ADCY2: variants seen among roughly 807,000 people sequenced by gnomAD.
ADCY2 encodes the protein adenylate cyclase type 2.
In ADCY2, 31 loss-of-function variants were observed where a neutral mutation model predicts 125.2. The observed-to-expected ratio is 0.25, with a 90% confidence interval of 0.19 to 0.33. ADCY2 has a LOEUF of 0.33. Among genes scored for constraint, ADCY2 ranks in the 10% least tolerant of loss-of-function variants. The pLI is 1.00. For missense variants in ADCY2, 904 were observed against 1,418.2 expected, an observed-to-expected ratio of 0.64 and a Z score of 5.82; for synonymous variants, 512 against 548.4, an observed-to-expected ratio of 0.93 and a Z score of 0.93.
At chr5:7,401,178 G>A (rs1210146006) in intron 1 of ADCY2, among the ~76,000 whole-genome samples, 1 of 152,160 alleles carries the variant, frequency 6.6e-6, no homozygotes, top group African/African-American at 2.4e-5. Flanking sequence ...AACAATGCCT[G>A]GCATAAAGTA....
intron 14 of ADCY2, among the ~76,000 whole-genome samples, chr5:7,733,777 G>A (rs1021535656): frequency 2.0e-5 from 3 of 152,150 alleles, no homozygotes; most frequent in Admixed American, 1.3e-4. Context: ...GGAATACAGT[G>A]TGTCTGAAAA....
rs551518808 is a variant in ADCY2 at position 7,774,321 on chromosome 5, T to C, written c.2384+1220T>C. Among the ~76,000 whole-genome samples the C allele has an allele frequency of 6.2e-4, 94 of 152,246 alleles. 1 individual carries two copies. Among genetic ancestry groups the C allele is most frequent in the Non-Finnish European group, 9.3e-4 (63 of 68,050 alleles). On this transcript the variant is annotated intron_variant, in intron 18 of 24. Transcript: ENST00000338316. ...ATGCATAATTATATTTATGATTCCT[T>C]AGCCAAAATGAGAATGGAAGTTAAT...
At chr5:7,418,227 C>T (rs148279076) in intron 2 of ADCY2, among the ~76,000 whole-genome samples, 107 of 152,202 alleles carry the variant, frequency 7.0e-4, no homozygotes, top group African/African-American at 2.5e-3. Flanking sequence ...TAATATAACC[C>T]CAACCATTCT....
intron 2 of ADCY2, among the ~76,000 whole-genome samples, chr5:7,433,156 T>C (rs17227692): frequency 0.066 from 10,079 of 152,258 alleles, 436 homozygotes; most frequent in African/African-American, 0.11. Context: ...CTTCCTTCTT[T>C]CCATTCAGAT....
chr5:7,719,857 C>A (rs1741704707), intron 12 of ADCY2, among the ~76,000 whole-genome samples: 2 of 152,162 alleles, frequency 1.3e-5, no homozygotes, highest in Non-Finnish European at 2.9e-5. Context: ...CAGTTCATAA[C>A]AATAAGAAAG....
chr5:7,573,363 C>T (rs77454734), intron 3 of ADCY2, among the ~76,000 whole-genome samples: 2,594 of 151,962 alleles, frequency 0.017, 57 homozygotes, highest in African/African-American at 0.059. Context: ...GAAGTGTGAG[C>T]GAAGGATTGA....
At chr5:7,593,603 G>A (rs1415679262) in intron 3 of ADCY2, among the ~76,000 whole-genome samples, 1 of 152,128 alleles carries the variant, frequency 6.6e-6, no homozygotes, top group African/African-American at 2.4e-5. Flanking sequence ...CACTCAAAAA[G>A]AAGAGACTGG....
intron 23 of ADCY2, among the ~76,000 whole-genome samples, chr5:7,819,126 C>CG (rs1397047821): frequency 6.6e-6 from 1 of 152,110 alleles, no homozygotes; most frequent in Non-Finnish European, 1.5e-5. Flanking sequence ...CCACGTTCTT[C>CG]TGCCTGCTTT....
chr5:7,763,261 T>C (rs1179922418), intron 16 of ADCY2, among the ~76,000 whole-genome samples: 1 of 152,042 alleles, frequency 6.6e-6, no homozygotes, highest in African/African-American at 2.4e-5. Flanking sequence ...CGGCCAATTT[T>C]TTGTATTTTT....
At position 7,724,310 on chromosome 5, in the gene ADCY2, A is replaced by G. The variant is rs375065674; in HGVS notation, c.1704-235A>G. Among the ~76,000 whole-genome samples, 3 of 152,120 alleles carry G rather than the reference A, an allele frequency of 2.0e-5. No homozygotes were observed. In the East Asian group the frequency reaches 5.8e-4, roughly 29 times the overall value. Reference sequence around the variant, plus strand: ...TGATATGACAGTTAGTTTATAATATAGAATTTTCCAAGGAGGGCAGTGTGT... The same window carrying G: ...TGATATGACAGTTAGTTTATAATATGGAATTTTCCAAGGAGGGCAGTGTGT... On this transcript the variant is annotated intron_variant, in intron 12 of 24. Coordinates refer to ENST00000338316, the MANE Select transcript of ADCY2 (RefSeq NM_020546.3).
intron 2 of ADCY2, among the ~76,000 whole-genome samples, chr5:7,440,787 G>A (rs934355333): frequency 1.3e-5 from 2 of 152,184 alleles, no homozygotes; most frequent in African/African-American, 4.8e-5. Context: ...ATCAATAAAT[G>A]CTGACATATA....
At chr5:7,635,619 G>T (rs1738472108) in intron 4 of ADCY2, among the ~76,000 whole-genome samples, 1 of 152,078 alleles carries the variant, frequency 6.6e-6, no homozygotes, top group South Asian at 2.1e-4. Context: ...ATAAGATCTG[G>T]AGTTAAAGAT....
chr5:7,758,231 C>T (rs1408004632), intron 16 of ADCY2, among the ~76,000 whole-genome samples: 1 of 152,216 alleles, frequency 6.6e-6, no homozygotes, highest in African/African-American at 2.4e-5. Context: ...ACACTTAGGA[C>T]AGTCCTGGCC....
chr5:7,493,754 G>A (rs1403606680), intron 2 of ADCY2, among the ~76,000 whole-genome samples: 1 of 152,042 alleles, frequency 6.6e-6, no homozygotes, highest in Non-Finnish European at 1.5e-5. Context: ...GTTCAATCAC[G>A]GGATACAACA....
rs571946509 is a variant in ADCY2, at chr5:7,408,477, G to A, written c.211-6096G>A. Among the ~76,000 whole-genome samples, 5 of 150,998 alleles carry A rather than the reference G, an allele frequency of 3.3e-5. No individual in the cohort carries two copies. In the East Asian group the frequency reaches 1.0e-3, roughly 30 times the overall value. On this transcript the variant is annotated intron_variant, in intron 1 of 24. Transcript: ENST00000338316. ...CCGCCTCCCGAGTTCAAGCGATTCT[G>A]TTGCCTCAGCCTCCTGAGTAGCTGG... is the stretch of plus-strand genomic sequence containing the variant.
intron 3 of ADCY2, among the ~76,000 whole-genome samples, chr5:7,541,015 C>T (rs1050298930): frequency 5.9e-5 from 9 of 152,144 alleles, no homozygotes; most frequent in Non-Finnish European, 8.8e-5. Context: ...TACAATGGCC[C>T]GCCTATAGTC....
chr5:7,487,848 A>G (rs10512925), intron 2 of ADCY2, among the ~76,000 whole-genome samples: 38,182 of 152,068 alleles, frequency 0.25, 5,245 homozygotes, highest in East Asian at 0.55. Context: ...GTTTTCTTTC[A>G]GGACCAAAAT....
At chr5:7,422,772 T>TA (rs1227331993) in intron 2 of ADCY2, among the ~76,000 whole-genome samples, 2 of 152,200 alleles carry the variant, frequency 1.3e-5, no homozygotes, top group African/African-American at 4.8e-5. Flanking sequence ...TGTCCTTTCT[T>TA]ACAAAAATAG....
intron 3 of ADCY2, among the ~76,000 whole-genome samples, chr5:7,543,104 AGAT>A (rs1472072996): frequency 6.6e-6 from 1 of 152,236 alleles, no homozygotes; most frequent in Non-Finnish European, 1.5e-5. Context: ...TTATATGATA[AGAT>A]GATAAAAGTG....
Sources: gnomAD v4.1 joint callset for allele counts (sites outside exome capture counted in the v4.1 genomes callset) on GRCh38, gnomAD v4.1.1 for gene constraint, MANE v1.5 for transcripts, NCBI Gene and HGNC (gene_info 2026-07-23, HGNC 2026-07-21) for gene names.